COL23A1: variants seen among roughly 807,000 people sequenced by gnomAD.
The protein encoded by COL23A1 is collagen type XXIII alpha 1 chain.
COL23A1 carries 97 observed loss-of-function variants against 99.3 expected under a neutral mutation model. That is an observed-to-expected ratio of 0.98 (90% confidence interval 0.83 to 1.16). COL23A1 has a LOEUF of 1.16. Ranked by LOEUF, COL23A1 falls within the 50% of genes most tolerant of loss-of-function variation. The pLI, the probability that COL23A1 is intolerant of heterozygous loss-of-function variation, is 0.00. For synonymous variants in COL23A1, 320 were observed against 308.2 expected (o/e 1.04, Z -0.40); for missense variants, 762 against 757.4 (o/e 1.01, Z -0.07).
Position 178,450,817 on chromosome 5 carries a change from G to A in COL23A1, c.361+109865C>T, listed in dbSNP as rs114606401. On this transcript the variant is annotated intron_variant, in intron 2 of 28. Transcript: ENST00000390654. ...CCATTTGTCCTGTTTTACAGATGGA[G>A]AAACCAAGGCCCAAGAAAGTGGGCA... Among the ~76,000 whole-genome samples the A allele has an allele frequency of 4.0e-3, 615 of 152,304 alleles. 7 individuals are homozygous for A. Among genetic ancestry groups the A allele is most frequent in the African/African-American group, 0.014 (573 of 41,560 alleles).
intron 2 of COL23A1, among the ~76,000 whole-genome samples, chr5:178,517,639 G>A (rs1476232999): frequency 1.4e-5 from 2 of 138,312 alleles, no homozygotes; most frequent in Non-Finnish European, 3.0e-5. Context: ...TCAGCTCACT[G>A]CAACCTCCAA....
chr5:178,310,500 T>C lies in COL23A1; in HGVS notation c.362-3581A>G, dbSNP rs971581557. 2.0e-4 allele frequency among the ~76,000 whole-genome samples: 31 copies of C among 152,280 alleles called. No homozygotes were observed. The highest frequency in any genetic ancestry group is 6.7e-4 in the African/African-American group (28 of 41,580). ...AAGGTGCTAGTGTTCCCTGCACAGA[T>C]GAGAACTCTGGGGCTAAGCCAGGTG... is the stretch of plus-strand genomic sequence containing the variant. On this transcript the variant is annotated intron_variant, in intron 2 of 28. Coordinates refer to ENST00000390654, the MANE Select transcript of COL23A1 (RefSeq NM_173465.4). This position sits in a 1 kb window ranked among gnomAD's most constrained non-coding sequence, Gnocchi z 4.3.
intron 6 of COL23A1, among the ~76,000 whole-genome samples, chr5:178,269,055 C>T (rs996218257): frequency 2.0e-5 from 3 of 152,150 alleles, no homozygotes; most frequent in Non-Finnish European, 2.9e-5. Flanking sequence ...AGAGAGCACA[C>T]ACGGTCAGTT....
chr5:178,289,499 C>A (rs1757334600), intron 4 of COL23A1, among the ~76,000 whole-genome samples: 1 of 152,216 alleles, frequency 6.6e-6, no homozygotes, highest in Admixed American at 6.5e-5. Context: ...ACATTTTCCT[C>A]CTGCTCCAGT....
Position 178,572,750 on chromosome 5 carries a change from A to C in COL23A1, c.295-12002T>G, listed in dbSNP as rs188796390. ...GAATACCCATAGCAGCTTTATTTAC[A>C]ATAGACAAAAACTGGAAACAATCCA... On this transcript the variant is annotated intron_variant, in intron 1 of 28. Transcript: ENST00000390654. 1.4e-3 allele frequency among the ~76,000 whole-genome samples: 217 copies of C among 152,390 alleles called. 1 individual carries two copies. The highest frequency in any genetic ancestry group is 5.0e-3 in the African/African-American group (207 of 41,600).
intron 6 of COL23A1, 44 bp from the exon 7 acceptor site, chr5:178,268,800 C>G (rs1756054681): frequency 6.4e-7 from 1 of 1,573,984 alleles, no homozygotes; most frequent in African/African-American, 1.3e-5. Context: ...AGTGAGGGGC[C>G]TAGGCTGGCT....
chr5:178,352,620 T>A lies in COL23A1; in HGVS notation c.362-45701A>T, dbSNP rs539398757. Among the ~76,000 whole-genome samples, 18 of 152,258 alleles carry A rather than the reference T, an allele frequency of 1.2e-4. 1 individual carries two copies. The highest frequency in any genetic ancestry group is 4.3e-4 in the African/African-American group (18 of 41,476). On this transcript the variant is annotated intron_variant, in intron 2 of 28. Transcript: ENST00000390654. Reference sequence around the variant, plus strand: ...TCTTTACCTTCTCTCCAGAGAGGAATGCTGCACCCAGCTAAGAGACAAGGG... The same window carrying A: ...TCTTTACCTTCTCTCCAGAGAGGAAAGCTGCACCCAGCTAAGAGACAAGGG...
chr5:178,256,822 T>A, intron 14 of COL23A1, 44 bp downstream of exon 14: 1 of 1,584,072 alleles, frequency 6.3e-7, no homozygotes, highest in Admixed American at 1.8e-5. Flanking sequence ...GGTGGAGGTC[T>A]GAGCGGGGCC....
At chr5:178,432,727 G>A (rs1766330205) in intron 2 of COL23A1, among the ~76,000 whole-genome samples, 1 of 151,366 alleles carries the variant, frequency 6.6e-6, no homozygotes. Flanking sequence ...CTAAGCCAAT[G>A]TTCTGGGGCT....
chr5:178,339,974 CTTATGA>C (rs1482290171), intron 2 of COL23A1, among the ~76,000 whole-genome samples: 2 of 151,970 alleles, frequency 1.3e-5, no homozygotes, highest in Admixed American at 1.3e-4. Flanking sequence ...GCAACAATGA[CTTATGA>C]TTAGGTGGTG....
intron 2 of COL23A1, among the ~76,000 whole-genome samples, chr5:178,518,222 C>T (rs928699067): frequency 6.2e-5 from 9 of 144,392 alleles, no homozygotes; most frequent in South Asian, 2.3e-4. Flanking sequence ...GGTAAGGTCA[C>T]AGATCAACAG....
chr5:178,514,820 G>A (rs576983391), intron 2 of COL23A1, among the ~76,000 whole-genome samples: 1 of 152,324 alleles, frequency 6.6e-6, no homozygotes, highest in Non-Finnish European at 1.5e-5. Context: ...TCTTCATAGG[G>A]CCCAAGTTAC....
At chr5:178,371,029 G>A (rs1581249891) in intron 2 of COL23A1, among the ~76,000 whole-genome samples, 1 of 152,276 alleles carries the variant, frequency 6.6e-6, no homozygotes, top group East Asian at 1.9e-4. Context: ...TAGATCTTAA[G>A]TGTTCTCATT....
intron 2 of COL23A1, among the ~76,000 whole-genome samples, chr5:178,385,576 C>A (rs1210215094): frequency 6.6e-6 from 1 of 152,178 alleles, no homozygotes; most frequent in Non-Finnish European, 1.5e-5. Flanking sequence ...TCCCTGTGAC[C>A]CTGGCCGTGT....
At chr5:178,386,180 T>C (rs967884013) in intron 2 of COL23A1, among the ~76,000 whole-genome samples, 3 of 152,342 alleles carry the variant, frequency 2.0e-5, no homozygotes, top group Admixed American at 1.3e-4. Flanking sequence ...GGCTCACACC[T>C]GTAATCCTAG....
chr5:178,325,494 T>C (rs1759597925), intron 2 of COL23A1, among the ~76,000 whole-genome samples: 2 of 151,808 alleles, frequency 1.3e-5, no homozygotes, highest in Non-Finnish European at 2.9e-5. Flanking sequence ...CCCTCTTTTT[T>C]TTTTTGGCCA....
intron 2 of COL23A1, among the ~76,000 whole-genome samples, chr5:178,375,095 A>C (rs780660215): frequency 5.9e-5 from 9 of 152,198 alleles, no homozygotes; most frequent in Admixed American, 3.3e-4. Context: ...CTGCCATCGA[A>C]AGCTGCAACA....
intron 4 of COL23A1, 84 bp from the exon 5 acceptor site, chr5:178,288,434 C>T (rs1444519905): frequency 8.7e-7 from 1 of 1,153,970 alleles, no homozygotes; most frequent in African/African-American, 1.5e-5. Context: ...GGGCCCAGAC[C>T]CACACCCGCC....
intron 2 of COL23A1, among the ~76,000 whole-genome samples, chr5:178,430,764 G>C (rs1296085690): frequency 6.6e-6 from 1 of 152,138 alleles, no homozygotes; most frequent in Non-Finnish European, 1.5e-5. Flanking sequence ...CATTTTCTGA[G>C]TGCTGTGTCC....
Sources: allele counts gnomAD v4.1 joint callset (sites outside exome capture counted in the v4.1 genomes callset), GRCh38; gene constraint gnomAD v4.1.1; non-coding constraint Gnocchi (gnomAD v3.1); transcripts MANE v1.5; gene names NCBI Gene and HGNC (gene_info 2026-07-23, HGNC 2026-07-21).